The following KDM6A variants were observed in gnomAD, a reference collection of about 807,000 sequenced individuals.
The protein encoded by KDM6A is lysine demethylase 6A, also known as lysine-specific demethylase 6A.
Under a neutral mutation model 117.6 loss-of-function variants are expected in KDM6A, and 11 were observed. The ratio of observed to expected loss-of-function variants is 0.09; its 90% CI spans 0.06 to 0.15. KDM6A has a LOEUF of 0.15. KDM6A is among the 10% of genes least tolerant of loss of function. The pLI is 1.00. For synonymous variants in KDM6A, 384 were observed against 396.1 expected (o/e 0.97, Z 0.36); for missense variants, 799 against 1,077.3 (o/e 0.74, Z 3.62).
chrX:44,923,533 C>T (rs1431424141), intron 2 of KDM6A, among the ~76,000 whole-genome samples: 1 of 76,677 alleles, frequency 1.3e-5, no homozygotes, highest in African/African-American at 4.6e-5. Context: ...GTCTAATCTT[C>T]TCTGCTTTTT....
intron 2 of KDM6A, among the ~76,000 whole-genome samples, chrX:44,947,476 T>C (rs2037714342): frequency 2.8e-5 from 3 of 108,139 alleles, no homozygotes; most frequent in Admixed American, 9.9e-5. Context: ...CCCGGGTCCA[T>C]GCCATTTTCC....
intron 2 of KDM6A, among the ~76,000 whole-genome samples, chrX:44,940,839 C>T (rs906089980): frequency 1.8e-5 from 2 of 111,255 alleles, no homozygotes; most frequent in African/African-American, 6.5e-5. Flanking sequence ...AGTTGGAGAC[C>T]AGCCTGACCA....
intron 5 of KDM6A, among the ~76,000 whole-genome samples, chrX:45,011,780 AT>A (rs772484812): frequency 3.4e-4 from 37 of 108,865 alleles, no homozygotes; most frequent in East Asian, 1.8e-3. Context: ...TTATTTATTT[AT>A]TTTATTTATT....
At chrX:44,904,237 A>T (rs1569396523) in intron 2 of KDM6A, among the ~76,000 whole-genome samples, 1 of 111,850 alleles carries the variant, frequency 8.9e-6, no homozygotes, top group Non-Finnish European at 1.9e-5. Flanking sequence ...GGGACCACTA[A>T]GTCTCCCAGT....
At chrX:44,969,478 C>T (rs1239768487) in intron 3 of KDM6A, among the ~76,000 whole-genome samples, 5 of 91,380 alleles carry the variant, frequency 5.5e-5, no homozygotes, top group Non-Finnish European at 8.3e-5. Context: ...AGTCCAGTGG[C>T]GCGATCTCGG....
intron 2 of KDM6A, among the ~76,000 whole-genome samples, chrX:44,941,160 TG>T (rs1463404151): frequency 8.9e-6 from 1 of 112,480 alleles, no homozygotes; most frequent in Admixed American, 9.4e-5. Flanking sequence ...AAAAACAAGG[TG>T]GTATGATTAC....
In KDM6A at chrX:44,935,678, T is replaced by A. The variant is rs368557286; in HGVS notation, c.226-25606T>A. 9.0e-5 allele frequency among the ~76,000 whole-genome samples: 10 copies of A among 111,579 alleles called. No individual in the cohort carries two copies. The East Asian group carries it at 1.1e-3, about 13-fold the overall frequency. Reference sequence around the variant, plus strand: ...CCGTCAGGTTTCAGAGTCTATCTACTACACTTAGCTCTCATGGCATTAAAA... The same window carrying A: ...CCGTCAGGTTTCAGAGTCTATCTACAACACTTAGCTCTCATGGCATTAAAA... On this transcript the variant is annotated intron_variant, in intron 2 of 29. Coordinates refer to ENST00000611820, the MANE Select transcript of KDM6A (RefSeq NM_001291415.2).
intron 2 of KDM6A, among the ~76,000 whole-genome samples, chrX:44,960,830 C>G (rs2038628710): frequency 9.0e-6 from 1 of 111,180 alleles, no homozygotes; most frequent in Non-Finnish European, 1.9e-5. Context: ...TCAGTAAAAG[C>G]AGTTCAGTGT....
chrX:44,929,023 T>C (rs2036468820), intron 2 of KDM6A, among the ~76,000 whole-genome samples: 1 of 110,794 alleles, frequency 9.0e-6, no homozygotes, highest in Non-Finnish European at 1.9e-5. Context: ...GTCTGCCTCC[T>C]GGGTTCGAGT....
At chrX:44,956,306 G>A (rs1182650853) in intron 2 of KDM6A, among the ~76,000 whole-genome samples, 1 of 111,881 alleles carries the variant, frequency 8.9e-6, no homozygotes, top group Non-Finnish European at 1.9e-5. Context: ...GCTGATTATT[G>A]CTGTTGATAT....
At chrX:45,075,913 G>A (rs2045092002) in intron 18 of KDM6A, among the ~76,000 whole-genome samples, 2 of 111,121 alleles carry the variant, frequency 1.8e-5, no homozygotes, top group African/African-American at 6.5e-5. Context: ...ATTCGGTGGG[G>A]TAAGTTAGTT....
intron 6 of KDM6A, among the ~76,000 whole-genome samples, chrX:45,026,023 G>C (rs2042351221): frequency 8.9e-6 from 1 of 112,135 alleles, no homozygotes; most frequent in Non-Finnish European, 1.9e-5. Flanking sequence ...ATTTTACTGG[G>C]TGTTGGTGTT....
At chrX:45,081,210 G>A (rs965515700) in intron 21 of KDM6A, among the ~76,000 whole-genome samples, 1 of 111,912 alleles carries the variant, frequency 8.9e-6, no homozygotes, top group Non-Finnish European at 1.9e-5. Flanking sequence ...GAGATTATAG[G>A]CATGAGCTAC....
intron 8 of KDM6A, among the ~76,000 whole-genome samples, chrX:45,047,312 G>A (rs982528535): frequency 4.8e-5 from 5 of 105,128 alleles, no homozygotes; most frequent in African/African-American, 1.4e-4. Context: ...TCTTCTTCTC[G>A]GACTCCAATT....
intron 2 of KDM6A, among the ~76,000 whole-genome samples, chrX:44,940,976 G>A (rs374175743): frequency 1.8e-5 from 2 of 110,914 alleles, no homozygotes; most frequent in African/African-American, 6.6e-5. Flanking sequence ...CGGAGGTTGC[G>A]GTGAGCTGAG....
At chrX:45,077,886 C>T (rs1030275546) in intron 19 of KDM6A, among the ~76,000 whole-genome samples, 1 of 111,550 alleles carries the variant, frequency 9.0e-6, no homozygotes, top group Non-Finnish European at 1.9e-5. Context: ...AGAACTTTCT[C>T]ATCTTGACAA....
intron 2 of KDM6A, among the ~76,000 whole-genome samples, chrX:44,958,182 T>A (rs1445101713): frequency 5.6e-4 from 42 of 75,587 alleles, no homozygotes; most frequent in Non-Finnish European, 1.6e-4. Flanking sequence ...CTTTAATGAA[T>A]TTTTTTTTTT....
At chrX:44,987,757 T>G (rs764379318) in intron 4 of KDM6A, among the ~76,000 whole-genome samples, 2 of 111,809 alleles carry the variant, frequency 1.8e-5, no homozygotes, top group South Asian at 3.7e-4. Flanking sequence ...CTGGCTTGTA[T>G]AGTTTCTGCT....
intron 4 of KDM6A, among the ~76,000 whole-genome samples, chrX:45,000,334 T>A (rs1219777622): frequency 8.9e-6 from 1 of 112,170 alleles, no homozygotes; most frequent in Non-Finnish European, 1.9e-5. Context: ...GTATTCCCCG[T>A]GGGACTCCAG....
Sources: gnomAD v4.1 joint callset for allele counts (sites outside exome capture counted in the v4.1 genomes callset) on GRCh38, gnomAD v4.1.1 for gene constraint, MANE v1.5 for transcripts, NCBI Gene and HGNC (gene_info 2026-07-23, HGNC 2026-07-21) for gene names.